The following TMEM62 variants were observed in gnomAD, a reference collection of about 807,000 sequenced individuals.
TMEM62 encodes the protein transmembrane protein 62.
In TMEM62, 41 loss-of-function variants were observed where a neutral mutation model predicts 70.4. The observed-to-expected ratio is 0.58, with a 90% CI of 0.45 to 0.76. The LOEUF is 0.76. Among genes scored for constraint, TMEM62 ranks in the 30% least tolerant of loss-of-function variants. TMEM62 has a pLI of 0.00. For synonymous variants in TMEM62, 268 were observed against 291.0 expected (o/e 0.92, Z 0.80); for missense variants, 688 against 788.5 (o/e 0.87, Z 1.53).
chr15:43,167,195 C>T (rs1367194985), intron 10 of TMEM62, among the ~76,000 whole-genome samples: 10 of 149,650 alleles, frequency 6.7e-5, no homozygotes, highest in African/African-American at 1.5e-4. Context: ...CCGGACGGGT[C>T]GGCTGGCCGG....
intron 12 of TMEM62, among the ~76,000 whole-genome samples, chr15:43,179,455 T>C (rs2041132223): frequency 6.6e-6 from 1 of 152,200 alleles, no homozygotes; most frequent in Non-Finnish European, 1.5e-5. Flanking sequence ...GGACCACATA[T>C]ACAGTGGTGG....
At chr15:43,161,605 CAT>C (rs534711698) in intron 10 of TMEM62, among the ~76,000 whole-genome samples, 21 of 152,230 alleles carry the variant, frequency 1.4e-4, no homozygotes, top group East Asian at 7.7e-4. Context: ...CTTATATACA[CAT>C]GTGTATATAT....
intron 13 of TMEM62, among the ~76,000 whole-genome samples, chr15:43,182,402 A>G (rs987881902): frequency 4.0e-5 from 6 of 151,386 alleles, no homozygotes; most frequent in African/African-American, 1.5e-4. Context: ...TAGCAGCATT[A>G]TATACATGAG....
intron 4 of TMEM62, among the ~76,000 whole-genome samples, chr15:43,140,497 G>T (rs753217803): frequency 1.3e-4 from 20 of 151,236 alleles, no homozygotes; most frequent in Middle Eastern, 3.2e-3. Context: ...TGATCTGAAA[G>T]AACTCTCCCT....
intron 10 of TMEM62, chr15:43,169,078 G>A (rs889431201): frequency 6.5e-6 from 1 of 153,018 alleles, no homozygotes; most frequent in African/African-American, 2.4e-5. Context: ...AATGGGGGAA[G>A]GGTGGTGTAG....
intron 11 of TMEM62, among the ~76,000 whole-genome samples, chr15:43,171,053 T>A (rs1322570025): frequency 6.6e-6 from 1 of 152,148 alleles, no homozygotes; most frequent in Non-Finnish European, 1.5e-5. Context: ...AAACCTCTTA[T>A]GGTTGGGCAC....
intron 13 of TMEM62, 94 bp from the exon 14 acceptor site, chr15:43,184,166 T>G (rs780762733): frequency 3.6e-6 from 4 of 1,121,572 alleles, no homozygotes; most frequent in Non-Finnish European, 5.2e-6. Context: ...CCAAGACAGA[T>G]AGCAGCATAG....
rs2041301991 is a variant in TMEM62, at chr15:43,181,240, A to T, written c.1546A>T (p.Ile516Leu). The T allele has an allele frequency of 6.2e-7, 1 of 1,613,736 alleles. No homozygotes were observed. The highest frequency in any genetic ancestry group is 8.5e-7 in the Non-Finnish European group (1 of 1,179,918). ...ATTTGGTTGCTGCTTTTCCTTTGGGATATTTGTTAATGGACATTTCCTACA... is the reference window on the plus strand; with the variant it reads ...ATTTGGTTGCTGCTTTTCCTTTGGGTTATTTGTTAATGGACATTTCCTACA... ...GKFGCCFSFGIFVNGHFLQGS... is the reference protein window; with the variant it reads ...GKFGCCFSFGLFVNGHFLQGS... The change falls in exon 13 of 14, where the codon ATA becomes TTA. Residue 516 changes from isoleucine (I) to leucine (L), a missense_variant. Physicochemically the swap from Ile to Leu is conservative, Grantham distance 5. Coordinates refer to ENST00000260403, the MANE Select transcript of TMEM62 (RefSeq NM_024956.4).
intron 11 of TMEM62, among the ~76,000 whole-genome samples, chr15:43,175,204 C>T (rs1023270549): frequency 2.6e-5 from 4 of 152,074 alleles, no homozygotes; most frequent in Non-Finnish European, 4.4e-5. Flanking sequence ...TAGGCTAATA[C>T]TTTGAGAAGT....
intron 10 of TMEM62, among the ~76,000 whole-genome samples, chr15:43,162,065 C>G (rs1252090674): frequency 6.6e-6 from 1 of 152,056 alleles, no homozygotes; most frequent in Non-Finnish European, 1.5e-5. Context: ...TTTGTCTTGA[C>G]TATTTTCTCT....
At chr15:43,181,360 G>C in intron 13 of TMEM62, 61 bp downstream of exon 13, 1 of 1,065,302 alleles carries the variant, frequency 9.4e-7, no homozygotes, top group Non-Finnish European at 1.4e-6. Context: ...TTGCATAACA[G>C]TTATGAATTA....
rs970304620 is a variant in TMEM62, at chr15:43,169,776, G to A, written c.1381+99G>A. ...AGGTTTATTCTAAGCCAATATGAAT[G>A]ACCATGGCCCAGGGAAAACACAAAC... On this transcript the variant is annotated intron_variant, in intron 11 of 13. Coordinates refer to ENST00000260403, the MANE Select transcript of TMEM62 (RefSeq NM_024956.4). 4.1e-6 allele frequency: 4 copies of A among 976,890 alleles called. No individual in the cohort carries two copies. The African/African-American group carries it at 6.5e-5, about 16-fold the overall frequency. The allele number at this position is 976,890 out of a possible 1,614,324, so 60.5% of individuals were successfully genotyped here.
chr15:43,149,156 G>A lies in TMEM62; in HGVS notation c.866+5G>A. ...AGACTGGAAGGATAATAGGAGGTAAGGGAACCTCCCCATAGAAGAAAACTT... is the reference window on the plus strand; with the variant it reads ...AGACTGGAAGGATAATAGGAGGTAAAGGAACCTCCCCATAGAAGAAAACTT... On this transcript the variant is annotated splice_donor_5th_base_variant and intron_variant, in intron 7 of 13. Coordinates refer to ENST00000260403, the MANE Select transcript of TMEM62 (RefSeq NM_024956.4). 3 of 1,613,300 alleles carry A rather than the reference G, an allele frequency of 1.9e-6. No individual in the cohort carries two copies. Among genetic ancestry groups the A allele is most frequent in the Non-Finnish European group, 2.5e-6 (3 of 1,179,734 alleles).
chr15:43,171,351 A>AAT (rs1466148259), intron 11 of TMEM62, among the ~76,000 whole-genome samples: 1 of 150,452 alleles, frequency 6.6e-6, no homozygotes, highest in African/African-American at 2.4e-5. Context: ...AAAAAAAAAA[A>AAT]GTTCCCTTCA....
At chr15:43,181,509 T>G (rs956889759) in intron 13 of TMEM62, among the ~76,000 whole-genome samples, 1 of 150,788 alleles carries the variant, frequency 6.6e-6, no homozygotes, top group African/African-American at 2.4e-5. Context: ...CTAAAATACA[T>G]TTTTTTTTCC....
At chr15:43,156,699 A>C (rs779894707) in intron 9 of TMEM62, among the ~76,000 whole-genome samples, 3 of 152,222 alleles carry the variant, frequency 2.0e-5, no homozygotes, top group Admixed American at 6.5e-5. Context: ...AAAAATGTAA[A>C]ATCACATACT....
At chr15:43,134,122 C>G in intron 1 of TMEM62, 135 bp from the exon 2 acceptor site, 8 of 1,439,764 alleles carry the variant, frequency 5.6e-6, no homozygotes, top group Non-Finnish European at 7.4e-6. Flanking sequence ...AGTGCTGGCC[C>G]TGTCCTTACC....
At chr15:43,134,169 C>T in intron 1 of TMEM62, 88 bp from the exon 2 acceptor site, 1 of 1,506,300 alleles carries the variant, frequency 6.6e-7, no homozygotes, top group Non-Finnish European at 9.1e-7. Context: ...TTGCCTTTTC[C>T]TTCTGCCCGA....
chr15:43,159,910 G>A (rs550956482), intron 9 of TMEM62, among the ~76,000 whole-genome samples: 1 of 152,174 alleles, frequency 6.6e-6, no homozygotes, highest in Admixed American at 6.5e-5. Context: ...TTTTTAAAGG[G>A]AAAATACACG....
Sources: gnomAD v4.1 joint callset for allele counts (sites outside exome capture counted in the v4.1 genomes callset) on GRCh38, gnomAD v4.1.1 for gene constraint, MANE v1.5 for transcripts, NCBI Gene and HGNC (gene_info 2026-07-23, HGNC 2026-07-21) for gene names.